TMEM132D: variants seen among roughly 807,000 people sequenced by gnomAD.
TMEM132D encodes mature OL transmembrane protein.
A neutral mutation model predicts 62.3 loss-of-function variants in TMEM132D; 21 were observed. The ratio of observed to expected loss-of-function variants is 0.34; its 90% CI spans 0.24 to 0.49. TMEM132D has a LOEUF of 0.49. Ranked by LOEUF, TMEM132D falls within the 20% of genes least tolerant of loss-of-function variation. The pLI, the probability that TMEM132D is intolerant of heterozygous loss-of-function variation, is 0.99. For synonymous variants in TMEM132D, 621 were observed against 575.6 expected, an observed-to-expected ratio of 1.08 and a Z score of -1.13; for missense variants, 1,346 against 1,402.8, an observed-to-expected ratio of 0.96 and a Z score of 0.65.
chr12:129,834,973 G>A, intron 1 of TMEM132D, among the ~76,000 whole-genome samples: 1 of 152,176 alleles, frequency 6.6e-6, no homozygotes, highest in East Asian at 1.9e-4. Context: ...CCAGATCTTA[G>A]GAAACACATG....
intron 4 of TMEM132D, among the ~76,000 whole-genome samples, chr12:129,215,371 C>A (rs1879173218): frequency 1.3e-5 from 2 of 152,060 alleles, no homozygotes; most frequent in Non-Finnish European, 2.9e-5. Flanking sequence ...GAAAAACAAC[C>A]AATGGGTAGT....
rs1002788269 is a variant in TMEM132D, at chr12:129,903,351, G to A, written c.-12C>T. ...TCAGACGGGCACATCCTGGAGACCC[G>A]GAGCGCAGATCCTCCGCTCCCCGGC... On this transcript the variant is annotated 5_prime_UTR_variant, in exon 1 of 9. Coordinates refer to ENST00000422113, the MANE Select transcript of TMEM132D (RefSeq NM_133448.3). This position sits in a 1 kb window ranked among gnomAD's most constrained non-coding sequence, Gnocchi z 6.2. The A allele has an allele frequency of 1.3e-6, 2 of 1,551,462 alleles. No individual in the cohort carries two copies. Among genetic ancestry groups the A allele is most frequent in the Non-Finnish European group, 1.7e-6 (2 of 1,146,956 alleles).
At chr12:129,472,731 A>AG (rs1874128367) in intron 3 of TMEM132D, among the ~76,000 whole-genome samples, 1 of 152,238 alleles carries the variant, frequency 6.6e-6, no homozygotes, top group South Asian at 2.1e-4. Context: ...ATAAAACAAC[A>AG]GGTTTTGAGC....
chr12:129,319,570 A>C (rs1054998235), intron 4 of TMEM132D, among the ~76,000 whole-genome samples: 1 of 152,210 alleles, frequency 6.6e-6, no homozygotes, highest in African/African-American at 2.4e-5. Context: ...AATAGATGAT[A>C]TTTAAAGCCA....
At chr12:129,380,486 A>G (rs553828322) in intron 3 of TMEM132D, among the ~76,000 whole-genome samples, 12 of 152,284 alleles carry the variant, frequency 7.9e-5, no homozygotes, top group African/African-American at 2.9e-4. Flanking sequence ...ATTCTAGTGC[A>G]ATATCACAGT....
intron 3 of TMEM132D, among the ~76,000 whole-genome samples, chr12:129,381,055 T>C (rs1036231449): frequency 6.6e-6 from 1 of 152,184 alleles, no homozygotes; most frequent in Admixed American, 6.5e-5. Context: ...CCTTCAAGCC[T>C]GGTAGTAGCA....
intron 1 of TMEM132D, among the ~76,000 whole-genome samples, chr12:129,786,633 G>C (rs892914795): frequency 6.6e-6 from 1 of 152,182 alleles, no homozygotes; most frequent in Admixed American, 6.5e-5. Context: ...GCTCACGCCT[G>C]TAACCCCAGC....
chr12:129,447,229 A>G (rs1179048107), intron 3 of TMEM132D, among the ~76,000 whole-genome samples: 3 of 152,112 alleles, frequency 2.0e-5, no homozygotes, highest in African/African-American at 7.2e-5. Context: ...TTTTTTACTG[A>G]AGAGGCATTT....
intron 2 of TMEM132D, among the ~76,000 whole-genome samples, chr12:129,644,336 G>A (rs188572072): frequency 1.1e-3 from 172 of 152,228 alleles, no homozygotes; most frequent in African/African-American, 3.9e-3. Flanking sequence ...GAGAATCTTC[G>A]CTTCTTCAAG....
At chr12:129,111,754 G>T (rs995632340) in intron 5 of TMEM132D, 1 of 152,168 alleles carries the variant, frequency 6.6e-6, no homozygotes. Context: ...TGAGCTGGAG[G>T]GTTCTTTGCT....
rs2135605054 is a variant in TMEM132D at position 129,074,886 on chromosome 12, T to C, written c.2289A>G (p.Gln763=). ...WPIIAAETEG[Q]GTLVKVEMVI... ...CCATTTCCACCTTGACCAGGGTGCC[T>C]TGTCCTTCTGTTTCCGCAGCAATGA... The change falls in exon 9 of 9, where the codon CAA becomes CAG. Residue 763 remains glutamine, a synonymous_variant. Coordinates refer to ENST00000422113, the MANE Select transcript of TMEM132D (RefSeq NM_133448.3). 6.2e-7 allele frequency: 1 copy of C among 1,614,032 alleles called. No homozygotes were observed. Among genetic ancestry groups the C allele is most frequent in the Non-Finnish European group, 8.5e-7 (1 of 1,180,022 alleles).
At chr12:129,647,678 G>A (rs1879822711) in intron 2 of TMEM132D, among the ~76,000 whole-genome samples, 1 of 152,164 alleles carries the variant, frequency 6.6e-6, no homozygotes, top group African/African-American at 2.4e-5. Flanking sequence ...GAGACATTGA[G>A]CATTGTTTCA....
intron 1 of TMEM132D, among the ~76,000 whole-genome samples, chr12:129,739,673 C>T (rs1017171246): frequency 2.6e-5 from 4 of 152,156 alleles, no homozygotes; most frequent in Admixed American, 6.5e-5. Context: ...TGTGCATTCA[C>T]GTTCATTCCT....
At chr12:129,673,034 CA>C (rs1183939861) in intron 2 of TMEM132D, among the ~76,000 whole-genome samples, 1 of 152,226 alleles carries the variant, frequency 6.6e-6, no homozygotes, top group Non-Finnish European at 1.5e-5. Context: ...AGGCATGAGG[CA>C]CCACATCCGG....
chr12:129,809,436 A>AC (rs1425900187), intron 1 of TMEM132D, among the ~76,000 whole-genome samples: 1 of 151,906 alleles, frequency 6.6e-6, no homozygotes, highest in Non-Finnish European at 1.5e-5. Flanking sequence ...CGGGATGGAC[A>AC]CCCTGGGGTG....
chr12:129,463,470 GTATTAT>G (rs71082722), intron 3 of TMEM132D, among the ~76,000 whole-genome samples: 13 of 117,636 alleles, frequency 1.1e-4, no homozygotes, highest in Admixed American at 3.7e-4. Flanking sequence ...ATTTATTTAT[GTATTAT>G]TATTATTATT....
intron 5 of TMEM132D, among the ~76,000 whole-genome samples, chr12:129,159,001 G>A (rs915397308): frequency 6.6e-6 from 1 of 152,188 alleles, no homozygotes; most frequent in African/African-American, 2.4e-5. Flanking sequence ...ATGCATGGGA[G>A]AAACCACCTC....
chr12:129,433,299 A>ACTG (rs1166407839), intron 3 of TMEM132D, among the ~76,000 whole-genome samples: 1 of 152,202 alleles, frequency 6.6e-6, no homozygotes, highest in Non-Finnish European at 1.5e-5. Flanking sequence ...AGTAATTGAG[A>ACTG]CTGCCTCTGT....
chr12:129,171,463 T>C (rs1877726589), intron 5 of TMEM132D, among the ~76,000 whole-genome samples: 1 of 152,252 alleles, frequency 6.6e-6, no homozygotes, highest in Non-Finnish European at 1.5e-5. Context: ...GAATCACACA[T>C]GTGCTTAATG....
Sources: allele counts gnomAD v4.1 joint callset (sites outside exome capture counted in the v4.1 genomes callset), GRCh38; gene constraint gnomAD v4.1.1; non-coding constraint Gnocchi (gnomAD v3.1); transcripts MANE v1.5; gene names NCBI Gene and HGNC (gene_info 2026-07-23, HGNC 2026-07-21).